NIBAN1: variants seen among roughly 807,000 people sequenced by gnomAD.
NIBAN1 encodes the protein niban apoptosis regulator 1.
In NIBAN1, 81 loss-of-function variants were observed where a neutral mutation model predicts 75.1. The ratio of observed to expected loss-of-function variants is 1.08; its 90% CI spans 0.90 to 1.30. The LOEUF (loss-of-function observed/expected upper bound fraction) is 1.30, where lower values mean the gene tolerates loss of function less well. Among genes scored for constraint, NIBAN1 ranks in the 50% most tolerant of loss-of-function variants. NIBAN1 has a pLI of 0.00. For synonymous variants in NIBAN1, 436 were observed against 424.8 expected, an observed-to-expected ratio of 1.03 and a Z score of -0.32; for missense variants, 1,133 against 1,128.1, an observed-to-expected ratio of 1.00 and a Z score of -0.06.
At chr1:184,960,606 C>T (rs4650675) in intron 1 of NIBAN1, among the ~76,000 whole-genome samples, 1 of 146,338 alleles carries the variant, frequency 6.8e-6, no homozygotes, top group Non-Finnish European at 1.5e-5. Context: ...ACAGACAACA[C>T]CAACAACAAC....
At chr1:184,812,651 G>A (rs1350245528) in intron 9 of NIBAN1, among the ~76,000 whole-genome samples, 3 of 152,186 alleles carry the variant, frequency 2.0e-5, no homozygotes, top group South Asian at 2.1e-4. Context: ...GAATTTTAGA[G>A]TTTATGTCAT....
At chr1:184,837,000 TG>T (rs1200975379) in intron 5 of NIBAN1, among the ~76,000 whole-genome samples, 1 of 152,232 alleles carries the variant, frequency 6.6e-6, no homozygotes, top group African/African-American at 2.4e-5. Context: ...GACAAAGGTT[TG>T]CTTTGTAAAA....
At chr1:184,868,030 A>C (rs1272113628) in intron 5 of NIBAN1, 9 of 985,358 alleles carry the variant, frequency 9.1e-6, no homozygotes, top group Non-Finnish European at 1.1e-5. Flanking sequence ...TGGTGATTGC[A>C]TGAGCCATGC....
chr1:184,795,076 C>G lies in NIBAN1; in HGVS notation c.2688G>C (p.Glu896Asp), dbSNP rs749605447. The G allele has an allele frequency of 6.2e-7, 1 of 1,614,124 alleles. No individual in the cohort carries two copies. ...ARIHECQWVV[E>D]DAPNPDVLLS... The stretch of plus-strand genomic sequence containing the variant: ...GCAGGACATCCGGGTTTGGAGCATC[C>G]TCCACCACCCACTGACACTCATGAA... Residue 896 changes from glutamate to aspartate, a missense_variant, in exon 14 of 14, where the codon GAG becomes GAC. Coordinates refer to ENST00000367511, the MANE Select transcript of NIBAN1 (RefSeq NM_052966.4).
chr1:184,936,501 G>A (rs1245764040), intron 1 of NIBAN1, among the ~76,000 whole-genome samples: 2 of 152,186 alleles, frequency 1.3e-5, no homozygotes, highest in African/African-American at 4.8e-5. Context: ...AACTTCCTCT[G>A]CAGTCCTGGA....
At chr1:184,949,926 C>T (rs928844104) in intron 1 of NIBAN1, among the ~76,000 whole-genome samples, 1 of 152,124 alleles carries the variant, frequency 6.6e-6, no homozygotes, top group South Asian at 2.1e-4. Context: ...AAGGCTCTTG[C>T]ACCCCCAGGC....
chr1:184,805,599 A>G (rs1654172526), intron 11 of NIBAN1, among the ~76,000 whole-genome samples: 1 of 152,114 alleles, frequency 6.6e-6, no homozygotes, highest in South Asian at 2.1e-4. Context: ...CTATATTGTA[A>G]CCTCTTTGAA....
intron 1 of NIBAN1, among the ~76,000 whole-genome samples, chr1:184,971,563 G>A (rs889463795): frequency 1.3e-5 from 2 of 151,938 alleles, no homozygotes; most frequent in Non-Finnish European, 2.9e-5. Context: ...CTAGCTATTC[G>A]GGAGGCTGAG....
At chr1:184,813,075 C>A (rs1360314704) in intron 9 of NIBAN1, among the ~76,000 whole-genome samples, 2 of 152,206 alleles carry the variant, frequency 1.3e-5, no homozygotes, top group African/African-American at 4.8e-5. Flanking sequence ...CTCTAACAGT[C>A]TGGAGGCACC....
Position 184,930,997 on chromosome 1 carries a change from C to CTTTTTTCTTTTTTTTT in NIBAN1, c.56-31689_56-31688insAAAAAAAAAGAAAAAA, listed in dbSNP as rs1553229154. ...GTTTCTAAGTGCACTTTTTCTTCTT[C>CTTTTTTCTTTTTTTTT]TTTTTTTTTTTTTTTTTTTTGAGAC... is the stretch of plus-strand genomic sequence containing the variant. On this transcript the variant is annotated intron_variant, in intron 1 of 13. Coordinates refer to ENST00000367511, the MANE Select transcript of NIBAN1 (RefSeq NM_052966.4). 3.2e-4 allele frequency among the ~76,000 whole-genome samples: 37 copies of CTTTTTTCTTTTTTTTT among 114,552 alleles called. 2 individuals are homozygous for CTTTTTTCTTTTTTTTT. The highest frequency in any genetic ancestry group is 1.4e-3 in the African/African-American group (30 of 22,042). The allele number at this position is 114,552 out of a possible 152,430, so 75.2% of individuals were successfully genotyped here. A position where few individuals can be genotyped will look rare whatever the true frequency, so the allele number is the denominator to read the frequency against.
At chr1:184,911,062 T>TACACACAC (rs35550596) in intron 1 of NIBAN1, among the ~76,000 whole-genome samples, 9 of 144,436 alleles carry the variant, frequency 6.2e-5, no homozygotes, top group African/African-American at 2.3e-4. Context: ...TTATAACAAA[T>TACACACAC]ACACACACAC....
Position 184,795,098 on chromosome 1 carries a change from T to C in NIBAN1, c.2666A>G (p.His889Arg). The C allele has an allele frequency of 6.2e-7, 1 of 1,614,124 alleles. No homozygotes were observed. Among genetic ancestry groups the C allele is most frequent in the Non-Finnish European group, 8.5e-7 (1 of 1,180,038 alleles). Residue 889 changes from histidine (H) to arginine (R), a missense_variant, in exon 14 of 14, where the codon CAT (histidine) becomes CGT (arginine). His to Arg is a conservative substitution (Grantham distance 29, BLOSUM62 0). Transcript: ENST00000367511. The stretch of plus-strand genomic sequence containing the variant: ...ATCCTCCACCACCCACTGACACTCA[T>C]GAATACGGGCTACCTTGATCTCCTC... The part of the protein sequence containing the change: ...NAEEIKVARI[H>R]ECQWVVEDAP...
chr1:184,809,273 A>C (rs1260004946), intron 9 of NIBAN1, among the ~76,000 whole-genome samples: 1 of 152,186 alleles, frequency 6.6e-6, no homozygotes, highest in Non-Finnish European at 1.5e-5. Flanking sequence ...TGAAGTAAGG[A>C]TCAAAAGCAT....
intron 1 of NIBAN1, among the ~76,000 whole-genome samples, chr1:184,914,542 C>T (rs1303552914): frequency 1.3e-5 from 2 of 152,084 alleles, no homozygotes; most frequent in African/African-American, 4.8e-5. Context: ...GACTGAAAAA[C>T]TTAATACCTG....
At chr1:184,963,513 C>T (rs558801458) in intron 1 of NIBAN1, among the ~76,000 whole-genome samples, 2 of 152,136 alleles carry the variant, frequency 1.3e-5, no homozygotes, top group South Asian at 4.2e-4. Flanking sequence ...CACAAAAAAT[C>T]AGAGTGAATG....
At chr1:184,892,131 G>T (rs977271772) in intron 3 of NIBAN1, among the ~76,000 whole-genome samples, 10 of 152,162 alleles carry the variant, frequency 6.6e-5, no homozygotes, top group African/African-American at 2.4e-4. Context: ...CCAAGAACAA[G>T]ATCTAGGGCT....
intron 2 of NIBAN1, among the ~76,000 whole-genome samples, chr1:184,896,966 T>C (rs771202367): frequency 4.6e-5 from 7 of 152,200 alleles, no homozygotes; most frequent in Non-Finnish European, 1.0e-4. Context: ...TAATTTGAAG[T>C]CAGGCAATGT....
intron 9 of NIBAN1, among the ~76,000 whole-genome samples, chr1:184,811,694 A>G (rs887450251): frequency 2.0e-5 from 3 of 151,882 alleles, no homozygotes; most frequent in African/African-American, 2.4e-5. Flanking sequence ...GGGTTTCACC[A>G]TGTTAGCCAG....
At chr1:184,818,871 G>A in intron 8 of NIBAN1, 46 bp from the exon 9 acceptor site, 1 of 1,537,812 alleles carries the variant, frequency 6.5e-7, no homozygotes, top group Non-Finnish European at 8.8e-7. Context: ...GGCAAAACTG[G>A]GTTTGTGGGC....
Sources: allele counts gnomAD v4.1 joint callset (sites outside exome capture counted in the v4.1 genomes callset), GRCh38; gene constraint gnomAD v4.1.1; transcripts MANE v1.5; gene names NCBI Gene and HGNC (gene_info 2026-07-23, HGNC 2026-07-21).